The following ANKRD36 variants were observed in gnomAD, a reference collection of about 807,000 sequenced individuals.
ANKRD36 encodes ankyrin repeat domain 36, also known as ankyrin repeat domain-containing protein 36A.
ANKRD36 carries 179 observed loss-of-function variants against 278.1 expected under a neutral mutation model. The ratio of observed to expected loss-of-function variants is 0.64; its 90% CI spans 0.57 to 0.73. The LOEUF (loss-of-function observed/expected upper bound fraction) is 0.73. Ranked by LOEUF, ANKRD36 falls within the 30% of genes least tolerant of loss-of-function variation. The pLI, the probability that ANKRD36 is intolerant of heterozygous loss-of-function variation, is 0.00. For synonymous variants in ANKRD36, 320 were observed against 641.1 expected, an observed-to-expected ratio of 0.50 and a Z score of 7.57; for missense variants, 1,159 against 1,956.7, an observed-to-expected ratio of 0.59 and a Z score of 7.69.
At chr2:97,184,625 T>G (rs2056997970) in intron 28 of ANKRD36, among the ~76,000 whole-genome samples, 1 of 151,686 alleles carries the variant, frequency 6.6e-6, no homozygotes, top group Non-Finnish European at 1.5e-5. Context: ...GTGTAATTTA[T>G]TGTACTTTTT....
At chr2:97,191,291 C>T (rs2058464574) in intron 36 of ANKRD36, 110 bp downstream of exon 36, 1 of 1,245,660 alleles carries the variant, frequency 8.0e-7, no homozygotes, top group East Asian at 2.7e-5. Flanking sequence ...TATCATTCAG[C>T]TGTCCTGAGA....
At chr2:97,199,629 T>C (rs1428547503) in intron 44 of ANKRD36, among the ~76,000 whole-genome samples, 1 of 151,938 alleles carries the variant, frequency 6.6e-6, no homozygotes, top group Non-Finnish European at 1.5e-5. Context: ...TCAAAGTTGA[T>C]AATTGATGAT....
At position 97,155,027 on chromosome 2, in the gene ANKRD36, C is replaced by T. The variant is rs192728901; in HGVS notation, c.1260+286C>T. 2.5e-3 allele frequency among the ~76,000 whole-genome samples: 355 copies of T among 143,260 alleles called. 41 individuals carry two copies. The highest frequency in any genetic ancestry group is 3.4e-3 in the Middle Eastern group (1 of 292). The allele number at this position is 143,260 out of a possible 152,430, so 94.0% of individuals were successfully genotyped here. ...GGAAAATATGGTTTTGGAACACTTTCCCACAACAGAGGAGATACAAATTTT... is the reference window on the plus strand; with the variant it reads ...GGAAAATATGGTTTTGGAACACTTTTCCACAACAGAGGAGATACAAATTTT... On this transcript the variant is annotated intron_variant, in intron 15 of 75. Transcript: ENST00000420699.
At chr2:97,154,951 C>G (rs1029547466) in intron 15 of ANKRD36, among the ~76,000 whole-genome samples, 4 of 140,122 alleles carry the variant, frequency 2.9e-5, no homozygotes, top group African/African-American at 1.0e-4. Context: ...TTGATAAATA[C>G]TTTGAGAGGT....
At chr2:97,204,672 G>C (rs1171240263) in intron 50 of ANKRD36, among the ~76,000 whole-genome samples, 1 of 151,612 alleles carries the variant, frequency 6.6e-6, no homozygotes, top group Non-Finnish European at 1.5e-5. Flanking sequence ...CACTGTAGGA[G>C]AACTAAGGAG....
At chr2:97,174,754 C>G (rs906578669) in intron 22 of ANKRD36, among the ~76,000 whole-genome samples, 1 of 151,996 alleles carries the variant, frequency 6.6e-6, no homozygotes, top group East Asian at 1.9e-4. Context: ...ATGATATTGA[C>G]TGTGGGTTTG....
chr2:97,185,182 G>C, intron 28 of ANKRD36, 134 bp from the exon 29 acceptor site: 1 of 1,257,340 alleles, frequency 8.0e-7, no homozygotes. Flanking sequence ...TCATGTTCCA[G>C]TCCCCAGACA....
At chr2:97,195,223 TG>T (rs1221789304) in intron 40 of ANKRD36, among the ~76,000 whole-genome samples, 1 of 151,958 alleles carries the variant, frequency 6.6e-6, no homozygotes, top group Non-Finnish European at 1.5e-5. Context: ...TCATTAAGGG[TG>T]TACGGAGAAG....
chr2:97,118,204 A>G lies in ANKRD36; in HGVS notation c.312+26A>G, dbSNP rs373104307. On this transcript the variant is annotated intron_variant, in intron 2 of 75. Transcript: ENST00000420699. ...GTATATAGTAGCTGACTCTTTGAGC[A>G]TGAGATGGATTTGGTTGAAGTACAT... 56 of 1,580,454 alleles carry G rather than the reference A, an allele frequency of 3.5e-5. No homozygotes were observed. The African/African-American group carries it at 7.0e-4, about 20-fold the overall frequency.
intron 6 of ANKRD36, among the ~76,000 whole-genome samples, chr2:97,127,708 C>G (rs573687728): frequency 6.6e-6 from 1 of 152,066 alleles, no homozygotes; most frequent in African/African-American, 2.4e-5. Context: ...TTGAACTACT[C>G]TCAATCTAGT....
rs756644637 is a variant in ANKRD36 at position 97,113,863 on chromosome 2, C to T, written c.124C>T (p.His42Tyr). The change falls in exon 1 of 76, where the codon CAT (histidine) becomes TAT (tyrosine). Residue 42 changes from histidine to tyrosine, a missense_variant. Coordinates refer to ENST00000420699, the MANE Select transcript of ANKRD36 (RefSeq NM_001354587.1). ...HLKRIHRAVLHGNLEKLKYLL... is the reference protein window; with the variant it reads ...HLKRIHRAVLYGNLEKLKYLL... ...GAAGAGGATCCACAGAGCTGTCTTACATGGTAATCTAGAGAAACTGAAGTA... is the reference window on the plus strand; with the variant it reads ...GAAGAGGATCCACAGAGCTGTCTTATATGGTAATCTAGAGAAACTGAAGTA... 25 of 1,613,166 alleles carry T rather than the reference C, an allele frequency of 1.5e-5. No individual in the cohort carries two copies. Among genetic ancestry groups the T allele is most frequent in the East Asian group, 2.3e-5 (1 of 44,250 alleles).
At position 97,142,621 on chromosome 2, in the gene ANKRD36, T is replaced by G. The variant is rs1340535916; in HGVS notation, c.800-19T>G. On this transcript the variant is annotated intron_variant, in intron 6 of 75. Coordinates refer to ENST00000420699, the MANE Select transcript of ANKRD36 (RefSeq NM_001354587.1). ...TCATATTTACATATGATTGATTATGTATCCCTTTTGCTTTTCAGTGTCTTC... is the reference window on the plus strand; with the variant it reads ...TCATATTTACATATGATTGATTATGGATCCCTTTTGCTTTTCAGTGTCTTC... 11 of 1,607,496 alleles carry G rather than the reference T, an allele frequency of 6.8e-6. No individual in the cohort carries two copies. The highest frequency in any genetic ancestry group is 8.5e-6 in the Non-Finnish European group (10 of 1,179,004).
intron 44 of ANKRD36, among the ~76,000 whole-genome samples, chr2:97,199,865 A>G (rs1252236320): frequency 1.3e-5 from 2 of 151,908 alleles, no homozygotes; most frequent in African/African-American, 2.4e-5. Flanking sequence ...CTGGAGTGTC[A>G]TCGTAATTGT....
intron 6 of ANKRD36, among the ~76,000 whole-genome samples, chr2:97,130,804 A>G (rs1231642115): frequency 3.3e-5 from 5 of 152,060 alleles, no homozygotes; most frequent in Non-Finnish European, 7.4e-5. Flanking sequence ...AGAAAATATT[A>G]TTAGAACACA....
At chr2:97,244,112 T>C in intron 70 of ANKRD36, 83 bp downstream of exon 70, 1 of 1,514,596 alleles carries the variant, frequency 6.6e-7, no homozygotes. Context: ...CGTATATTAT[T>C]TAGGCCTGAA....
At chr2:97,213,138 C>G in intron 58 of ANKRD36, 2 of 367,204 alleles carry the variant, frequency 5.4e-6, no homozygotes, top group Non-Finnish European at 9.9e-6. Flanking sequence ...TTGTCCTCAT[C>G]ACTTGGCATA....
intron 67 of ANKRD36, among the ~76,000 whole-genome samples, chr2:97,230,597 GCTCAGAGT>G (rs1331985756): frequency 3.3e-5 from 5 of 152,046 alleles, no homozygotes; most frequent in Admixed American, 1.3e-4. Context: ...TCCTCCTGTA[GCTCAGAGT>G]AGTTTGATCG....
rs761729808 is a variant in ANKRD36 at position 97,185,549 on chromosome 2, A to T, written c.2041+39A>T. ...ACACATTTAATGTCATGTTCAGTCCAGATAGAAAAGAACTTCTCTTCCCTG... is the reference window on the plus strand; with the variant it reads ...ACACATTTAATGTCATGTTCAGTCCTGATAGAAAAGAACTTCTCTTCCCTG... On this transcript the variant is annotated intron_variant, in intron 30 of 75. Coordinates refer to ENST00000420699, the MANE Select transcript of ANKRD36 (RefSeq NM_001354587.1). 14 of 1,591,282 alleles carry T rather than the reference A, an allele frequency of 8.8e-6. 1 individual carries two copies.
At chr2:97,187,092 C>T in intron 30 of ANKRD36, 106 bp from the exon 31 acceptor site, 1 of 1,557,878 alleles carries the variant, frequency 6.4e-7, no homozygotes, top group Non-Finnish European at 8.7e-7. Flanking sequence ...TCAAAGCCTA[C>T]ACTAATACAG....
Sources: allele counts gnomAD v4.1 joint callset (sites outside exome capture counted in the v4.1 genomes callset), GRCh38; gene constraint gnomAD v4.1.1; transcripts MANE v1.5; gene names NCBI Gene and HGNC (gene_info 2026-07-23, HGNC 2026-07-21).